EEFSEC: variants seen among roughly 807,000 people sequenced by gnomAD.
EEFSEC encodes selenocysteine-specific elongation factor.
Under a neutral mutation model 42.1 loss-of-function variants are expected in EEFSEC, and 43 were observed. That is an observed-to-expected ratio of 1.02 (90% CI 0.80 to 1.32). The LOEUF (loss-of-function observed/expected upper bound fraction) is 1.32, where lower values mean the gene tolerates loss of function less well. Among genes scored for constraint, EEFSEC ranks in the 40% most tolerant of loss-of-function variants. The pLI, the probability that EEFSEC is intolerant of heterozygous loss-of-function variation, is 0.00. For synonymous variants in EEFSEC, 354 were observed against 339.1 expected (o/e 1.04, Z -0.48); for missense variants, 745 against 803.6 (o/e 0.93, Z 0.88).
the EEFSEC span, among the ~76,000 whole-genome samples, chr3:128,415,914 AGGGAACCTTTGGG>A: frequency 6.6e-6 from 1 of 152,202 alleles, no homozygotes; most frequent in Non-Finnish European, 1.5e-5. Context: ...CCCCCAGCAC[AGGGAACCTTTGGG>A]GGGAAGTGGC....
At chr3:128,289,619 G>A (rs1445774401) in intron 4 of EEFSEC, among the ~76,000 whole-genome samples, 1 of 152,186 alleles carries the variant, frequency 6.6e-6, no homozygotes, top group Non-Finnish European at 1.5e-5. Flanking sequence ...TTAAAATATA[G>A]GCTTGAGTTT....
intron 1 of EEFSEC, among the ~76,000 whole-genome samples, chr3:128,165,121 C>T (rs967648725): frequency 1.4e-4 from 22 of 152,168 alleles, no homozygotes; most frequent in Non-Finnish European, 1.9e-4. Flanking sequence ...GTTCTAGACC[C>T]GTGGCTCTTG....
chr3:128,375,808 C>G (rs1351720740), intron 6 of EEFSEC, among the ~76,000 whole-genome samples: 1 of 152,214 alleles, frequency 6.6e-6, no homozygotes, highest in African/African-American at 2.4e-5. Flanking sequence ...AGTGGAAGGT[C>G]TTTGCTGTGT....
intron 4 of EEFSEC, among the ~76,000 whole-genome samples, chr3:128,333,423 T>C (rs1005482987): frequency 6.6e-6 from 1 of 152,230 alleles, no homozygotes; most frequent in African/African-American, 2.4e-5. Context: ...CATCTTGGAC[T>C]TCTGTGGTGG....
chr3:128,329,143 C>T (rs1485975946), intron 4 of EEFSEC, among the ~76,000 whole-genome samples: 1 of 152,214 alleles, frequency 6.6e-6, no homozygotes, highest in Non-Finnish European at 1.5e-5. Flanking sequence ...CCAGCACCCA[C>T]GGAGGGAGAG....
At chr3:128,357,583 G>C (rs1401428714) in intron 5 of EEFSEC, among the ~76,000 whole-genome samples, 1 of 152,238 alleles carries the variant, frequency 6.6e-6, no homozygotes, top group Non-Finnish European at 1.5e-5. Flanking sequence ...GAGTGAGCAA[G>C]AGTAAAGCCT....
chr3:128,307,392 C>T (rs775818927), intron 4 of EEFSEC, among the ~76,000 whole-genome samples: 3 of 152,190 alleles, frequency 2.0e-5, no homozygotes, highest in Non-Finnish European at 1.5e-5. Context: ...TTCTTGTACC[C>T]TCTCCCTGTG....
At chr3:128,186,641 A>G (rs2065467936) in intron 1 of EEFSEC, among the ~76,000 whole-genome samples, 1 of 152,096 alleles carries the variant, frequency 6.6e-6, no homozygotes, top group Non-Finnish European at 1.5e-5. Context: ...TAGCTTGTGG[A>G]TATCTGGTTG....
chr3:128,318,557 C>A (rs1179620945), intron 4 of EEFSEC, among the ~76,000 whole-genome samples: 1 of 152,212 alleles, frequency 6.6e-6, no homozygotes, highest in African/African-American at 2.4e-5. Context: ...ATGGCAGAGA[C>A]CCAGTTAGAA....
chr3:128,288,817 A>G (rs1179842314), intron 4 of EEFSEC, among the ~76,000 whole-genome samples: 6 of 152,258 alleles, frequency 3.9e-5, no homozygotes, highest in Non-Finnish European at 1.5e-5. Context: ...GGGCCAGTGA[A>G]GACAGCACAG....
At chr3:128,218,400 C>T (rs1261843531) in intron 1 of EEFSEC, among the ~76,000 whole-genome samples, 2 of 152,204 alleles carry the variant, frequency 1.3e-5, no homozygotes, top group Non-Finnish European at 2.9e-5. Flanking sequence ...TGGCCAGACA[C>T]CAGCTGTAAC....
At chr3:128,241,572 T>C (rs1449205539) in intron 1 of EEFSEC, among the ~76,000 whole-genome samples, 1 of 152,174 alleles carries the variant, frequency 6.6e-6, no homozygotes, top group Non-Finnish European at 1.5e-5. Flanking sequence ...CTTGAACTCC[T>C]GAGCTCAAGT....
At chr3:128,340,012 G>A (rs1205216491) in intron 4 of EEFSEC, among the ~76,000 whole-genome samples, 1 of 152,086 alleles carries the variant, frequency 6.6e-6, no homozygotes, top group Non-Finnish European at 1.5e-5. Flanking sequence ...CAACACATGG[G>A]AATTAAGGAA....
intron 6 of EEFSEC, among the ~76,000 whole-genome samples, chr3:128,381,702 G>A (rs1054034831): frequency 3.9e-5 from 6 of 152,196 alleles, no homozygotes; most frequent in African/African-American, 7.2e-5. Context: ...GTGCAGCTGC[G>A]TGCCGTGGAG....
intron 5 of EEFSEC, among the ~76,000 whole-genome samples, chr3:128,344,452 A>C (rs1287272297): frequency 6.6e-6 from 1 of 152,226 alleles, no homozygotes; most frequent in African/African-American, 2.4e-5. Context: ...CAGTGTAAGG[A>C]AGTTTTCTTC....
chr3:128,351,059 C>A (rs2067379192), intron 5 of EEFSEC, among the ~76,000 whole-genome samples: 2 of 152,188 alleles, frequency 1.3e-5, no homozygotes, highest in South Asian at 4.1e-4. Flanking sequence ...TCCCATTCCT[C>A]ATTGGATCCA....
intron 4 of EEFSEC, among the ~76,000 whole-genome samples, chr3:128,329,041 G>T (rs902603583): frequency 6.6e-6 from 1 of 152,122 alleles, no homozygotes; most frequent in African/African-American, 2.4e-5. Context: ...CACCCTCCTT[G>T]CTCACTGTCA....
At chr3:128,271,419 A>C (rs989153467) in intron 4 of EEFSEC, among the ~76,000 whole-genome samples, 1 of 152,226 alleles carries the variant, frequency 6.6e-6, no homozygotes, top group Non-Finnish European at 1.5e-5. Context: ...TTTCTGTTCC[A>C]GAAGATACAT....
chr3:128,340,641 C>G (rs555923823), intron 4 of EEFSEC, among the ~76,000 whole-genome samples: 1 of 152,306 alleles, frequency 6.6e-6, no homozygotes, highest in South Asian at 2.1e-4. Flanking sequence ...GCAGCAGATA[C>G]ACAATAGACA....
Sources: gnomAD v4.1 joint callset for allele counts (sites outside exome capture counted in the v4.1 genomes callset) on GRCh38, gnomAD v4.1.1 for gene constraint, MANE v1.5 for transcripts, NCBI Gene and HGNC (gene_info 2026-07-23, HGNC 2026-07-21) for gene names.